PTPRD: variants seen among roughly 807,000 people sequenced by gnomAD.
PTPRD encodes protein tyrosine phosphatase receptor type D, also known as receptor-type tyrosine-protein phosphatase delta.
PTPRD carries 34 observed loss-of-function variants against 214.5 expected under a neutral mutation model. That is an observed-to-expected ratio of 0.16 (90% CI 0.12 to 0.21). PTPRD has a LOEUF of 0.21. PTPRD is among the 10% of genes least tolerant of loss of function. PTPRD has a pLI of 1.00. For missense variants in PTPRD, 2,545 were observed against 2,398.7 expected (o/e 1.06, Z -1.27); for synonymous variants, 1,128 against 845.7 (o/e 1.33, Z -5.79).
At chr9:8,787,378 C>G (rs946791413) in intron 11 of PTPRD, among the ~76,000 whole-genome samples, 2 of 152,152 alleles carry the variant, frequency 1.3e-5, no homozygotes, top group African/African-American at 4.8e-5. Context: ...GTACTAACCC[C>G]TTAAACATCC....
At chr9:9,985,509 A>G (rs1283726225) in intron 4 of PTPRD, among the ~76,000 whole-genome samples, 1 of 152,138 alleles carries the variant, frequency 6.6e-6, no homozygotes, top group African/African-American at 2.4e-5. Flanking sequence ...GTAGTCAAAT[A>G]TTGAAACAAA....
chr9:9,829,197 G>A (rs2053993134), intron 5 of PTPRD, among the ~76,000 whole-genome samples: 1 of 151,802 alleles, frequency 6.6e-6, no homozygotes, highest in African/African-American at 2.4e-5. Context: ...AATTGGTGTT[G>A]ACATATTTCT....
intron 9 of PTPRD, among the ~76,000 whole-genome samples, chr9:9,309,401 G>C (rs1481159770): frequency 6.6e-6 from 1 of 152,086 alleles, no homozygotes; most frequent in Admixed American, 6.6e-5. Flanking sequence ...TTATGTGCTA[G>C]CAATGATGCC....
At chr9:8,641,827 T>C (rs1264798268) in intron 12 of PTPRD, among the ~76,000 whole-genome samples, 1 of 152,220 alleles carries the variant, frequency 6.6e-6, no homozygotes, top group Non-Finnish European at 1.5e-5. Flanking sequence ...CACAGTATCT[T>C]TGAACCTAAT....
chr9:9,336,096 A>G (rs1460268870), intron 9 of PTPRD, among the ~76,000 whole-genome samples: 1 of 152,124 alleles, frequency 6.6e-6, no homozygotes, highest in Non-Finnish European at 1.5e-5. Context: ...CACACACATA[A>G]TCTTTTATTT....
intron 12 of PTPRD, among the ~76,000 whole-genome samples, chr9:8,641,711 G>A (rs2096580729): frequency 6.6e-6 from 1 of 152,130 alleles, no homozygotes; most frequent in African/African-American, 2.4e-5. Flanking sequence ...CATAGCTCCT[G>A]GAATTTAGTA....
At chr9:10,241,082 T>G (rs2090948510) in intron 3 of PTPRD, among the ~76,000 whole-genome samples, 1 of 151,156 alleles carries the variant, frequency 6.6e-6, no homozygotes, top group South Asian at 2.1e-4. Context: ...GGATTACAAA[T>G]AAGCTCATAA....
At chr9:8,659,190 C>T (rs1015552626) in intron 12 of PTPRD, among the ~76,000 whole-genome samples, 8 of 152,146 alleles carry the variant, frequency 5.3e-5, no homozygotes, top group Admixed American at 1.3e-4. Context: ...CACATTTTTG[C>T]TAGCCATGGT....
intron 8 of PTPRD, among the ~76,000 whole-genome samples, chr9:9,422,693 A>G (rs968707528): frequency 6.6e-6 from 1 of 152,110 alleles, no homozygotes; most frequent in Non-Finnish European, 1.5e-5. Flanking sequence ...AGCTAGGGAG[A>G]CAAAAAGTTA....
chr9:8,752,414 C>T lies in PTPRD; in HGVS notation c.-103-18468G>A, dbSNP rs186712820. 1.9e-3 allele frequency among the ~76,000 whole-genome samples: 289 copies of T among 152,224 alleles called. 5 individuals are homozygous for T. Among genetic ancestry groups the T allele is most frequent in the Admixed American group, 3.6e-3 (55 of 15,292 alleles). The stretch of plus-strand genomic sequence containing the variant: ...TCTAAAAAGGGGAGGCATGAATAAC[C>T]CACTCCTTGTTTAGCATATCATCAA... On this transcript the variant is annotated intron_variant, in intron 11 of 45. Coordinates refer to ENST00000381196, the MANE Select transcript of PTPRD (RefSeq NM_002839.4).
chr9:9,835,491 G>A (rs933629493), intron 5 of PTPRD, among the ~76,000 whole-genome samples: 10 of 152,082 alleles, frequency 6.6e-5, no homozygotes, highest in African/African-American at 1.7e-4. Flanking sequence ...TGGCACACTG[G>A]AATAGAGTAT....
At chr9:8,922,739 C>T (rs1488317363) in intron 11 of PTPRD, among the ~76,000 whole-genome samples, 10 of 152,132 alleles carry the variant, frequency 6.6e-5, no homozygotes, top group African/African-American at 1.7e-4. Context: ...ATCCGCCTCC[C>T]GGGTTCAAGC....
intron 4 of PTPRD, among the ~76,000 whole-genome samples, chr9:9,947,737 A>C (rs2092973499): frequency 7.1e-6 from 1 of 141,190 alleles, no homozygotes; most frequent in African/African-American, 2.7e-5. Flanking sequence ...TGAAGTTAGC[A>C]CTGTTGTGAG....
intron 5 of PTPRD, among the ~76,000 whole-genome samples, chr9:9,929,833 A>G (rs969126061): frequency 7.5e-5 from 11 of 146,592 alleles, no homozygotes; most frequent in Admixed American, 6.9e-4. Flanking sequence ...GTACTACATC[A>G]TGTTCTACAA....
At chr9:8,437,834 A>G (rs2095412396) in intron 34 of PTPRD, among the ~76,000 whole-genome samples, 1 of 152,234 alleles carries the variant, frequency 6.6e-6, no homozygotes, top group Admixed American at 6.5e-5. Flanking sequence ...GTAATTTCAT[A>G]GATTCCATGA....
chr9:9,534,707 A>G (rs1211662870), intron 8 of PTPRD, among the ~76,000 whole-genome samples: 1 of 152,122 alleles, frequency 6.6e-6, no homozygotes, highest in African/African-American at 2.4e-5. Flanking sequence ...ATGCCAGTTC[A>G]TAAATAGGGT....
At chr9:9,747,114 T>C (rs1339713710) in intron 6 of PTPRD, among the ~76,000 whole-genome samples, 1 of 152,044 alleles carries the variant, frequency 6.6e-6, no homozygotes, top group African/African-American at 2.4e-5. Context: ...AATAAAGAAG[T>C]TTCTGATGTC....
At chr9:8,322,817 A>C (rs1014815838) in intron 44 of PTPRD, among the ~76,000 whole-genome samples, 4 of 152,164 alleles carry the variant, frequency 2.6e-5, no homozygotes, top group African/African-American at 7.2e-5. Context: ...ACAGAGGAGG[A>C]GTCAATGCCT....
chr9:9,927,076 T>C (rs1770168889), intron 5 of PTPRD, among the ~76,000 whole-genome samples: 1 of 152,194 alleles, frequency 6.6e-6, no homozygotes, highest in Non-Finnish European at 1.5e-5. Context: ...AGTTTTGTGA[T>C]ATTTAAGCAC....
Sources: allele counts gnomAD v4.1 joint callset (sites outside exome capture counted in the v4.1 genomes callset), GRCh38; gene constraint gnomAD v4.1.1; transcripts MANE v1.5; gene names NCBI Gene and HGNC (gene_info 2026-07-23, HGNC 2026-07-21).